Variants in CLPTM1 observed in about 807,000 individuals in gnomAD.
The protein encoded by CLPTM1 is putative lipid scramblase CLPTM1.
Under a neutral mutation model 77.3 loss-of-function variants are expected in CLPTM1, and 21 were observed. The observed-to-expected ratio is 0.27, with a 90% confidence interval of 0.19 to 0.39. The LOEUF is 0.39. Among genes scored for constraint, CLPTM1 ranks in the 10% least tolerant of loss-of-function variants. CLPTM1 has a pLI of 1.00. For synonymous variants in CLPTM1, 373 were observed against 381.0 expected (o/e 0.98, Z 0.24); for missense variants, 642 against 921.2 (o/e 0.70, Z 3.92).
intron 5 of CLPTM1, among the ~76,000 whole-genome samples, chr19:44,981,608 A>C (rs541900974): frequency 1.8e-4 from 27 of 151,324 alleles, no homozygotes; most frequent in African/African-American, 6.3e-4. Context: ...AAGAAATATA[A>C]ATAAAATAAT....
At chr19:44,986,303 A>T in intron 6 of CLPTM1, 152 bp from the exon 7 acceptor site, 1 of 1,022,690 alleles carries the variant, frequency 9.8e-7, no homozygotes, top group Non-Finnish European at 1.4e-6. Context: ...ATTCGAGACC[A>T]GCTTGGGCAG....
chr19:44,982,554 G>C (rs1389812409), intron 5 of CLPTM1, among the ~76,000 whole-genome samples: 1 of 152,220 alleles, frequency 6.6e-6, no homozygotes. Flanking sequence ...CCAAGCTGCA[G>C]AATGTGTTCT....
In CLPTM1 at chr19:44,967,042, C is replaced by T. The variant is rs931077770; in HGVS notation, c.185+4967C>T. Reference sequence around the variant, plus strand: ...ATTTTTAGTAGAGACAGGGTTTCATCGTGTTAGCCAGGATAGTCTCGATCT... The same window carrying T: ...ATTTTTAGTAGAGACAGGGTTTCATTGTGTTAGCCAGGATAGTCTCGATCT... On this transcript the variant is annotated intron_variant, in intron 2 of 13. Transcript: ENST00000337392. Among the ~76,000 whole-genome samples the T allele has an allele frequency of 2.3e-4, 35 of 152,248 alleles. No homozygotes were observed. The East Asian group carries it at 3.7e-3, about 16-fold the overall frequency.
intron 1 of CLPTM1, among the ~76,000 whole-genome samples, chr19:44,956,912 G>A (rs533840818): frequency 9.6e-4 from 146 of 152,270 alleles, no homozygotes; most frequent in Non-Finnish European, 1.8e-3. Flanking sequence ...AGGATTTCTC[G>A]AGCTCGGCAC....
chr19:44,959,949 G>A (rs768306636), intron 1 of CLPTM1, among the ~76,000 whole-genome samples: 36 of 152,148 alleles, frequency 2.4e-4, no homozygotes, highest in Non-Finnish European at 4.6e-4. Context: ...ACGGGTAAGC[G>A]AAGAGACCTG....
chr19:44,955,534 C>T (rs1310624214), intron 1 of CLPTM1, 67 bp downstream of exon 1: 7 of 1,233,768 alleles, frequency 5.7e-6, no homozygotes, highest in Admixed American at 4.2e-5. Flanking sequence ...GGGGCGTGTC[C>T]TACCTCTTGT....
rs1470157872 is a variant in CLPTM1, at chr19:44,991,081, C to T, written c.1419+136C>T. ...CACATCCTCTGTGTCCCCCATCTGC[C>T]ATAACTGCTTCCCTGGGCGAGTCCG... On this transcript the variant is annotated intron_variant, in intron 11 of 13. Transcript: ENST00000337392. This position sits in a 1 kb window ranked among gnomAD's most constrained non-coding sequence, Gnocchi z 5.4. The T allele has an allele frequency of 4.6e-5, 57 of 1,236,560 alleles. No individual in the cohort carries two copies. Among genetic ancestry groups the T allele is most frequent in the Non-Finnish European group, 5.9e-5 (55 of 924,636 alleles). 76.6% of individuals were successfully genotyped at this position (1,236,560 alleles called of 1,614,324 possible). A position where few individuals can be genotyped will look rare whatever the true frequency, so the allele number is the denominator to read the frequency against.
At position 44,967,031 on chromosome 19, in the gene CLPTM1, CAG is replaced by C. The variant is rs372706882; in HGVS notation, c.185+4957_185+4958del. 3.4e-4 allele frequency among the ~76,000 whole-genome samples: 52 copies of C among 152,236 alleles called. 1 individual carries two copies. Among genetic ancestry groups the C allele is most frequent in the Middle Eastern group, 3.4e-3 (1 of 294 alleles). On this transcript the variant is annotated intron_variant, in intron 2 of 13. Coordinates refer to ENST00000337392, the MANE Select transcript of CLPTM1 (RefSeq NM_001294.4). The stretch of plus-strand genomic sequence containing the variant: ...TAATTTTTTGTATTTTTAGTAGAGA[CAG>C]GGTTTCATCGTGTTAGCCAGGATAG...
At chr19:44,975,650 A>C (rs1970795124) in intron 4 of CLPTM1, among the ~76,000 whole-genome samples, 1 of 150,900 alleles carries the variant, frequency 6.6e-6, no homozygotes, top group African/African-American at 2.4e-5. Flanking sequence ...CTGCAACTTC[A>C]CCTCCCAGGT....
At chr19:44,959,499 C>T (rs1427384699) in intron 1 of CLPTM1, among the ~76,000 whole-genome samples, 5 of 151,810 alleles carry the variant, frequency 3.3e-5, no homozygotes, top group African/African-American at 1.2e-4. Context: ...GGACCACAGG[C>T]ATGCACTACC....
At chr19:44,986,379 G>C in intron 6 of CLPTM1, 76 bp from the exon 7 acceptor site, 1 of 1,527,884 alleles carries the variant, frequency 6.5e-7, no homozygotes. Context: ...GAACCCTGGG[G>C]AGGAAGTGTA....
At chr19:44,955,150 C>T, upstream of CLPTM1, 2 of 1,535,654 alleles carry the variant, frequency 1.3e-6, no homozygotes, top group South Asian at 1.2e-5. Flanking sequence ...CCGAGAAAGT[C>T]CTGGAGTTCG....
At position 44,967,068 on chromosome 19, in the gene CLPTM1, C is replaced by T. The variant is rs182537521; in HGVS notation, c.185+4993C>T. On this transcript the variant is annotated intron_variant, in intron 2 of 13. Transcript: ENST00000337392. ...GTGTTAGCCAGGATAGTCTCGATCT[C>T]CTGACCTCGCTATCCACGCACCTCG... 5.5e-3 allele frequency among the ~76,000 whole-genome samples: 830 copies of T among 152,266 alleles called. 8 individuals are homozygous for T. The highest frequency in any genetic ancestry group is 0.017 in the African/African-American group (727 of 41,570).
intron 2 of CLPTM1, among the ~76,000 whole-genome samples, chr19:44,968,013 T>C (rs1247455804): frequency 6.6e-6 from 1 of 152,232 alleles, no homozygotes; most frequent in Admixed American, 6.5e-5. Context: ...CATTTTTACA[T>C]AAGAGGTAGC....
At chr19:44,983,646 GAAAAGAA>G (rs1970933952) in intron 5 of CLPTM1, among the ~76,000 whole-genome samples, 30 of 73,816 alleles carry the variant, frequency 4.1e-4, no homozygotes, top group Middle Eastern at 0.011. Context: ...AAAAAAAAAA[GAAAAGAA>G]AAAAGAAAAA....
chr19:44,990,529 G>A lies in CLPTM1; in HGVS notation c.1267G>A (p.Val423Ile), dbSNP rs76182866. Residue 423 changes from valine to isoleucine, a missense_variant, in exon 10 of 14, where the codon GTC (valine) becomes ATC (isoleucine). Val to Ile is a conservative substitution (Grantham distance 29). This residue lies in a region of CLPTM1 where 521 missense variants were observed against 800.4 expected (regional missense o/e 0.65). Coordinates refer to ENST00000337392, the MANE Select transcript of CLPTM1 (RefSeq NM_001294.4). The surrounding 1 kb of genome is among the most constrained non-coding windows in gnomAD (Gnocchi z 4.8). ...GACCAACTTCGTGGTCCAGGTCAGC[G>A]TCTTCATTGGGGTCCTCATCGACCT... ...NETNFVVQVS[V>I]FIGVLIDLWK... 1.8e-5 allele frequency: 29 copies of A among 1,614,092 alleles called. No homozygotes were observed. The East Asian group carries it at 2.9e-4, about 16-fold the overall frequency.
intron 2 of CLPTM1, among the ~76,000 whole-genome samples, chr19:44,971,706 G>A (rs552893866): frequency 6.6e-6 from 1 of 151,892 alleles, no homozygotes; most frequent in African/African-American, 2.4e-5. Context: ...CTACAGGCAT[G>A]GGCCACCATG....
chr19:44,961,958 C>G lies in CLPTM1; in HGVS notation c.73-5C>G, dbSNP rs768475727. ...CCTCCTTACCCTGGCCTCTGTCCCC[C>G]ACAGGTGACCAGCAATGGCAGCATC... On this transcript the variant is annotated splice_polypyrimidine_tract_variant and splice_region_variant and intron_variant, in intron 1 of 13. Transcript: ENST00000337392. 5 of 1,596,808 alleles carry G rather than the reference C, an allele frequency of 3.1e-6. No homozygotes were observed. The highest frequency in any genetic ancestry group is 2.7e-5 in the African/African-American group (2 of 74,062).
upstream of CLPTM1, chr19:44,955,363 C>CGGGGG: frequency 1.4e-6 from 1 of 699,116 alleles, no homozygotes; most frequent in Non-Finnish European, 1.9e-6. Context: ...CGGGGCGGGG[C>CGGGGG]TGGCGGCGGG....
Sources: allele counts gnomAD v4.1 joint callset (sites outside exome capture counted in the v4.1 genomes callset), GRCh38; gene constraint gnomAD v4.1.1; regional missense constraint gnomAD v4.1.1; non-coding constraint Gnocchi (gnomAD v3.1); transcripts MANE v1.5; gene names NCBI Gene and HGNC (gene_info 2026-07-23, HGNC 2026-07-21).